LRRTM4: variants seen among roughly 807,000 people sequenced by gnomAD.
LRRTM4 encodes the protein leucine-rich repeat transmembrane neuronal protein 4.
Under a neutral mutation model 47.6 loss-of-function variants are expected in LRRTM4, and 25 were observed. That is an observed-to-expected ratio of 0.53 (90% CI 0.38 to 0.73). The LOEUF (loss-of-function observed/expected upper bound fraction) is 0.73, where lower values mean the gene tolerates loss of function less well. Among genes scored for constraint, LRRTM4 ranks in the 30% least tolerant of loss-of-function variants. LRRTM4 has a pLI of 0.00. For missense variants in LRRTM4, 638 were observed against 713.4 expected (o/e 0.89, Z 1.20); for synonymous variants, 311 against 269.5 (o/e 1.15, Z -1.51).
chr2:77,155,993 T>C (rs892456316), intron 3 of LRRTM4, among the ~76,000 whole-genome samples: 11 of 152,208 alleles, frequency 7.2e-5, no homozygotes, highest in African/African-American at 2.4e-4. Flanking sequence ...AAACATCAGA[T>C]TGTACCCCAT....
intron 3 of LRRTM4, among the ~76,000 whole-genome samples, chr2:77,461,138 TGAGAGAGAGAGA>T (rs72075725): frequency 3.4e-5 from 5 of 145,358 alleles, no homozygotes; most frequent in Admixed American, 1.4e-4. Context: ...ACATACACAG[TGAGAGAGAGAGA>T]GAGAGAGAGA....
chr2:77,069,401 A>ATGTGTGTGTGTGTGTGTGTG (rs3058064), intron 3 of LRRTM4, among the ~76,000 whole-genome samples: 14 of 141,570 alleles, frequency 9.9e-5, no homozygotes, highest in African/African-American at 3.1e-4. Context: ...ACATTTCACT[A>ATGTGTGTGTGTGTGTGTGTG]TGTGTGTGTG....
At chr2:76,905,133 G>T (rs920371401) in intron 3 of LRRTM4, among the ~76,000 whole-genome samples, 2 of 152,078 alleles carry the variant, frequency 1.3e-5, no homozygotes, top group Non-Finnish European at 2.9e-5. Context: ...ACATGGCCGG[G>T]TACTCCTCTG....
intron 3 of LRRTM4, among the ~76,000 whole-genome samples, chr2:76,992,665 G>A (rs761580353): frequency 1.3e-5 from 2 of 151,554 alleles, no homozygotes; most frequent in Non-Finnish European, 2.9e-5. Context: ...TTCATGGATT[G>A]GAAGAATCAA....
rs528433122 is a variant in LRRTM4, at chr2:77,493,454, C to T, written c.1551+24864G>A. Among the ~76,000 whole-genome samples the T allele has an allele frequency of 2.6e-5, 4 of 151,976 alleles. No individual in the cohort carries two copies. In the South Asian group the frequency reaches 8.3e-4, roughly 32 times the overall value. ...TCAGTGTTTAAGAAAGGCATTGAGT[C>T]CACAGAAAAAGAAGTGATTTATAAA... On this transcript the variant is annotated intron_variant, in intron 3 of 3. Transcript: ENST00000409884.
At chr2:76,824,983 ATTTAC>A (rs1442942657) in intron 3 of LRRTM4, among the ~76,000 whole-genome samples, 6 of 151,576 alleles carry the variant, frequency 4.0e-5, no homozygotes, top group Admixed American at 6.6e-5. Flanking sequence ...CTTATTTATT[ATTTAC>A]TTTATTTTTA....
intron 3 of LRRTM4, among the ~76,000 whole-genome samples, chr2:77,329,447 T>A (rs1052042107): frequency 6.6e-5 from 10 of 152,138 alleles, no homozygotes; most frequent in African/African-American, 2.2e-4. Context: ...CAAAATCTTA[T>A]CCTCAAGGAG....
chr2:77,258,668 T>C (rs528527297), intron 3 of LRRTM4, among the ~76,000 whole-genome samples: 34 of 152,076 alleles, frequency 2.2e-4, no homozygotes, highest in African/African-American at 7.7e-4. Flanking sequence ...CTTTTTGTTA[T>C]GGTTAAATTA....
chr2:77,073,408 TTATC>T (rs150820751), intron 3 of LRRTM4, among the ~76,000 whole-genome samples: 6,049 of 152,114 alleles, frequency 0.04, 234 homozygotes, highest in African/African-American at 0.095. Context: ...TTAATTATTA[TTATC>T]TATTATACAT....
rs534367844 is a variant in LRRTM4 at position 77,349,135 on chromosome 2, G to A, written c.1551+169183C>T. ...AAGAAAATAAAATAACATCAGAGAA[G>A]TAGAGATAATACCTATTTTGGTGAT... On this transcript the variant is annotated intron_variant, in intron 3 of 3. Coordinates refer to ENST00000409884, the MANE Select transcript of LRRTM4 (RefSeq NM_001134745.3). Among the ~76,000 whole-genome samples, 10 of 151,916 alleles carry A rather than the reference G, an allele frequency of 6.6e-5. No individual in the cohort carries two copies. In the East Asian group the frequency reaches 1.7e-3, roughly 26 times the overall value.
chr2:77,342,854 A>C (rs62160535), intron 3 of LRRTM4, among the ~76,000 whole-genome samples: 76,233 of 151,468 alleles, frequency 0.5, 22,631 homozygotes, highest in Non-Finnish European at 0.67. Flanking sequence ...GCAGGTTCAA[A>C]CTGAGGACTC....
chr2:76,794,177 A>G (rs1675131263), intron 3 of LRRTM4, among the ~76,000 whole-genome samples: 1 of 152,212 alleles, frequency 6.6e-6, no homozygotes, highest in East Asian at 1.9e-4. Flanking sequence ...AGTTTACTTC[A>G]GAGTAACCAG....
At chr2:77,095,935 A>C in intron 3 of LRRTM4, among the ~76,000 whole-genome samples, 1 of 152,194 alleles carries the variant, frequency 6.6e-6, no homozygotes, top group East Asian at 1.9e-4. Context: ...TATAGGAATA[A>C]GTTTTATTAA....
At chr2:76,842,439 T>A (rs1398478221) in intron 3 of LRRTM4, among the ~76,000 whole-genome samples, 1 of 152,208 alleles carries the variant, frequency 6.6e-6, no homozygotes, top group Non-Finnish European at 1.5e-5. Context: ...TATGATGCTC[T>A]TTGATTTCCA....
chr2:77,229,524 C>T (rs1674906717), intron 3 of LRRTM4, among the ~76,000 whole-genome samples: 1 of 152,116 alleles, frequency 6.6e-6, no homozygotes, highest in Admixed American at 6.6e-5. Flanking sequence ...ATGGCAACCA[C>T]ATTTTCCTGC....
intron 3 of LRRTM4, among the ~76,000 whole-genome samples, chr2:77,121,544 C>T (rs1037286731): frequency 6.6e-6 from 1 of 151,818 alleles, no homozygotes; most frequent in Non-Finnish European, 1.5e-5. Context: ...GTATTATTTA[C>T]ACACATAGAT....
chr2:77,432,154 A>G (rs534953527), intron 3 of LRRTM4, among the ~76,000 whole-genome samples: 29 of 152,214 alleles, frequency 1.9e-4, no homozygotes, highest in Non-Finnish European at 3.2e-4. Context: ...ACAACATTAT[A>G]TCTTAAAGCC....
chr2:76,884,562 G>C (rs905838570), intron 3 of LRRTM4, among the ~76,000 whole-genome samples: 7 of 152,000 alleles, frequency 4.6e-5, no homozygotes, highest in African/African-American at 1.4e-4. Context: ...ATAGAATATA[G>C]AATGTAAAAT....
rs181499831 is a variant in LRRTM4, at chr2:77,390,670, G to A, written c.1551+127648C>T. On this transcript the variant is annotated intron_variant, in intron 3 of 3. Coordinates refer to ENST00000409884, the MANE Select transcript of LRRTM4 (RefSeq NM_001134745.3). The stretch of plus-strand genomic sequence containing the variant: ...TATAAATTTAATTTATCTTTAAAAC[G>A]TTAAATAATATTATATATGATGATG... 3.6e-4 allele frequency among the ~76,000 whole-genome samples: 54 copies of A among 150,916 alleles called. 1 individual carries two copies. In the Middle Eastern group the frequency reaches 0.021, roughly 59 times the overall value.
Sources: allele counts gnomAD v4.1 joint callset (sites outside exome capture counted in the v4.1 genomes callset), GRCh38; gene constraint gnomAD v4.1.1; transcripts MANE v1.5; gene names NCBI Gene and HGNC (gene_info 2026-07-23, HGNC 2026-07-21).